Variants in NAV2 observed in about 807,000 individuals in gnomAD.
NAV2 encodes the protein neuron navigator 2.
In NAV2, 54 loss-of-function variants were observed where a neutral mutation model predicts 223.2. The observed-to-expected ratio is 0.24, with a 90% CI of 0.19 to 0.30. The LOEUF (loss-of-function observed/expected upper bound fraction) is 0.30, where lower values mean the gene tolerates loss of function less well. Ranked by LOEUF, NAV2 falls within the 10% of genes least tolerant of loss-of-function variation. The probability of loss-of-function intolerance (pLI) is 1.00; values close to 1 mark genes in which losing one functional copy is unlikely to be tolerated. For missense variants in NAV2, 2,806 were observed against 3,147.5 expected, an observed-to-expected ratio of 0.89 and a Z score of 2.60; for synonymous variants, 1,279 against 1,239.3, an observed-to-expected ratio of 1.03 and a Z score of -0.67.
At chr11:19,893,868 A>T (rs1322892599) in intron 6 of NAV2, among the ~76,000 whole-genome samples, 1 of 152,030 alleles carries the variant, frequency 6.6e-6, no homozygotes, top group African/African-American at 2.4e-5. Context: ...TCACCGTACC[A>T]GTGTGTTTTT....
At chr11:20,003,838 G>A (rs1416793849) in intron 11 of NAV2, among the ~76,000 whole-genome samples, 1 of 152,124 alleles carries the variant, frequency 6.6e-6, no homozygotes, top group Non-Finnish European at 1.5e-5. Flanking sequence ...TGAATTATTG[G>A]GATCTGTTGC....
chr11:19,974,917 A>C (rs1272582187), intron 10 of NAV2, among the ~76,000 whole-genome samples: 2 of 152,344 alleles, frequency 1.3e-5, no homozygotes, highest in Non-Finnish European at 2.9e-5. Flanking sequence ...CACTAAATAC[A>C]TCTTGCGTGT....
intron 1 of NAV2, among the ~76,000 whole-genome samples, chr11:19,494,087 A>G (rs1360694370): frequency 6.6e-6 from 1 of 152,168 alleles, no homozygotes; most frequent in African/African-American, 2.4e-5. Context: ...ACCCCAACAG[A>G]TGCACAAGTG....
At chr11:19,901,134 C>G (rs1195249286) in intron 6 of NAV2, among the ~76,000 whole-genome samples, 1 of 152,172 alleles carries the variant, frequency 6.6e-6, no homozygotes, top group Non-Finnish European at 1.5e-5. Flanking sequence ...CAAACTGAGT[C>G]CTTCTAATTC....
chr11:19,731,564 G>T (rs190268768), intron 1 of NAV2, among the ~76,000 whole-genome samples: 194 of 152,292 alleles, frequency 1.3e-3, no homozygotes, highest in African/African-American at 4.4e-3. Flanking sequence ...GTTGTTGGGG[G>T]GATAGTTATT....
chr11:19,691,973 T>C (rs2049187868), intron 1 of NAV2, among the ~76,000 whole-genome samples: 2 of 152,228 alleles, frequency 1.3e-5, no homozygotes, highest in Admixed American at 1.3e-4. Flanking sequence ...GCTCAGGCCC[T>C]GCCACTGTCT....
chr11:19,791,020 A>C lies in NAV2; in HGVS notation c.268-41464A>C, dbSNP rs376590362. On this transcript the variant is annotated intron_variant, in intron 1 of 37. Transcript: ENST00000349880. The stretch of plus-strand genomic sequence containing the variant: ...CAACAGTCCCTGTGATGTAAGTACT[A>C]TTATTATCCTAATATGATAGATAAG... Among the ~76,000 whole-genome samples the C allele has an allele frequency of 1.5e-4, 23 of 152,166 alleles. No homozygotes were observed. The East Asian group carries it at 1.5e-3, about 10-fold the overall frequency.
intron 6 of NAV2, among the ~76,000 whole-genome samples, chr11:19,923,595 G>T (rs1357118933): frequency 6.6e-6 from 1 of 152,182 alleles, no homozygotes; most frequent in African/African-American, 2.4e-5. Flanking sequence ...AGAGGAAGGG[G>T]CCTACAGAAT....
chr11:19,704,590 A>G (rs947595374), intron 1 of NAV2, among the ~76,000 whole-genome samples: 1 of 152,256 alleles, frequency 6.6e-6, no homozygotes, highest in African/African-American at 2.4e-5. Flanking sequence ...TGTGAGCATG[A>G]GAAATCATGT....
intron 26 of NAV2, among the ~76,000 whole-genome samples, chr11:20,087,611 G>A (rs2060540586): frequency 6.6e-6 from 1 of 152,116 alleles, no homozygotes; most frequent in Non-Finnish European, 1.5e-5. Flanking sequence ...ACAAGACAGT[G>A]GAAAAAGGCT....
At chr11:19,627,317 A>T (rs2047199576) in intron 1 of NAV2, among the ~76,000 whole-genome samples, 1 of 152,038 alleles carries the variant, frequency 6.6e-6, no homozygotes, top group Non-Finnish European at 1.5e-5. Flanking sequence ...TGAACCCAGG[A>T]GGCAGAGATT....
At chr11:19,780,645 A>G (rs2056655651) in intron 1 of NAV2, among the ~76,000 whole-genome samples, 1 of 152,250 alleles carries the variant, frequency 6.6e-6, no homozygotes, top group African/African-American at 2.4e-5. Flanking sequence ...TCTCATTGTA[A>G]ATTGAGACTA....
intron 3 of NAV2, among the ~76,000 whole-genome samples, chr11:19,854,847 T>C (rs1205168778): frequency 1.3e-5 from 2 of 152,192 alleles, no homozygotes; most frequent in African/African-American, 4.8e-5. Context: ...AAAGGTTAGA[T>C]TTGGTTTGCA....
chr11:20,095,955 T>C (rs2061236416), intron 30 of NAV2, among the ~76,000 whole-genome samples, 188 bp downstream of exon 30: 1 of 152,220 alleles, frequency 6.6e-6, no homozygotes, highest in African/African-American at 2.4e-5. Flanking sequence ...AAGTACAGAC[T>C]GGTCATCGGC....
intron 26 of NAV2, among the ~76,000 whole-genome samples, chr11:20,088,326 C>T (rs1372489571): frequency 1.3e-5 from 2 of 152,186 alleles, no homozygotes; most frequent in East Asian, 1.9e-4. Context: ...TACAAGTGCC[C>T]GCCACCAAAG....
At chr11:19,968,351 G>A (rs2048946911) in intron 10 of NAV2, among the ~76,000 whole-genome samples, 1 of 152,096 alleles carries the variant, frequency 6.6e-6, no homozygotes, top group Non-Finnish European at 1.5e-5. Context: ...CAAGTAGCTG[G>A]GATTACAGGC....
At chr11:20,083,524 G>A (rs2060223536) in intron 26 of NAV2, among the ~76,000 whole-genome samples, 2 of 152,152 alleles carry the variant, frequency 1.3e-5, no homozygotes, top group South Asian at 4.1e-4. Context: ...TGGATATACA[G>A]GAGCTTGCTT....
chr11:19,388,287 T>C (rs1849119623), intron 1 of NAV2, among the ~76,000 whole-genome samples: 1 of 152,192 alleles, frequency 6.6e-6, no homozygotes, highest in Non-Finnish European at 1.5e-5. Flanking sequence ...TGCAAACCCA[T>C]CGCTCATCTC....
intron 6 of NAV2, chr11:19,931,895 G>C (rs2045382848): frequency 1.3e-5 from 2 of 152,304 alleles, no homozygotes; most frequent in Non-Finnish European, 2.9e-5. Context: ...GTGGGTGGGT[G>C]CGGGCACGGG....
Sources: gnomAD v4.1 joint callset for allele counts (sites outside exome capture counted in the v4.1 genomes callset) on GRCh38, gnomAD v4.1.1 for gene constraint, MANE v1.5 for transcripts, NCBI Gene and HGNC (gene_info 2026-07-23, HGNC 2026-07-21) for gene names.